PTP4A1: variants seen among roughly 807,000 people sequenced by gnomAD.
PTP4A1 encodes protein tyrosine phosphatase type IVA 1.
Under a neutral mutation model 20.5 loss-of-function variants are expected in PTP4A1, and 9 were observed. The observed-to-expected ratio is 0.44, with a 90% CI of 0.26 to 0.77. The LOEUF is 0.77. Ranked by LOEUF, PTP4A1 falls within the 30% of genes least tolerant of loss-of-function variation. PTP4A1 has a pLI of 0.19. For missense variants in PTP4A1, 137 were observed against 218.8 expected, an observed-to-expected ratio of 0.63 and a Z score of 2.36; for synonymous variants, 78 against 67.4, an observed-to-expected ratio of 1.16 and a Z score of -0.77.
rs1778123154 is a variant in PTP4A1, at chr6:63,580,020, T to TAATA, written c.405-37_405-36insAATA. The TAATA allele has an allele frequency of 2.0e-6, 3 of 1,490,278 alleles. No homozygotes were observed. The East Asian group carries it at 6.8e-5, about 34-fold the overall frequency. 92.3% of individuals were successfully genotyped at this position (1,490,278 alleles called of 1,614,324 possible). A position where few individuals can be genotyped will look rare whatever the true frequency, so the allele number is the denominator to read the frequency against. On this transcript the variant is annotated intron_variant, in intron 5 of 5. Transcript: ENST00000626021. ...ACACTAAATATTACTGTAGGGGGCTTTTGCCTTGTTTCATTTTTTTTTTTT... is the reference window on the plus strand; with the variant it reads ...ACACTAAATATTACTGTAGGGGGCTTAATATTGCCTTGTTTCATTTTTTTTTTTT...
At chr6:63,557,884 C>A (rs1324850095) in intron 3 of PTP4A1, among the ~76,000 whole-genome samples, 1 of 151,806 alleles carries the variant, frequency 6.6e-6, no homozygotes. Flanking sequence ...TAAAATGATA[C>A]TGAACATATG....
intron 4 of PTP4A1, 25 bp downstream of exon 4, chr6:63,579,053 C>A (rs1323328300): frequency 1.3e-6 from 2 of 1,548,476 alleles, no homozygotes; most frequent in Non-Finnish European, 1.7e-6. Context: ...CAATTTGATT[C>A]TAGGTAAAAA....
At position 63,581,172 on chromosome 6, in the gene PTP4A1, A is replaced by G. The variant is rs1436150192; in HGVS notation, c.*998A>G. 1 of 152,274 alleles carries G rather than the reference A, an allele frequency of 6.6e-6. No homozygotes were observed. Among genetic ancestry groups the G allele is most frequent in the Non-Finnish European group, 1.5e-5 (1 of 67,954 alleles). 9.4% of individuals were successfully genotyped at this position (152,274 alleles called of 1,614,324 possible). The stretch of plus-strand genomic sequence containing the variant: ...TTTTTTCCTTCCCAACCTCTCTTGC[A>G]AAAAAAGAAATGGGTTTCTGCTAAT... On this transcript the variant is annotated 3_prime_UTR_variant, in exon 6 of 6. Coordinates refer to ENST00000626021, the MANE Select transcript of PTP4A1 (RefSeq NM_003463.5).
At position 63,564,845 on chromosome 6, in the gene PTP4A1, A is replaced by C. The variant is rs375818939; in HGVS notation, c.-445-11591A>C. 2.0e-5 allele frequency among the ~76,000 whole-genome samples: 3 copies of C among 152,200 alleles called. No individual in the cohort carries two copies. The East Asian group carries it at 5.8e-4, about 29-fold the overall frequency. On this transcript the variant is annotated intron_variant, in intron 3 of 3. Coordinates refer to the PTP4A1 transcript ENST00000639568. ...AAATTTCACCAAATTTGCTAAAATAAGAAGAGTCTTCTCAAACTAGATTCC... is the reference window on the plus strand; with the variant it reads ...AAATTTCACCAAATTTGCTAAAATACGAAGAGTCTTCTCAAACTAGATTCC...
At chr6:63,521,453 C>T (rs1433122133), upstream of PTP4A1, among the ~76,000 whole-genome samples, 1 of 152,130 alleles carries the variant, frequency 6.6e-6, no homozygotes, top group Non-Finnish European at 1.5e-5. Flanking sequence ...CATGTAGGAA[C>T]ACACCAAAGG....
In PTP4A1 at chr6:63,525,338, C is replaced by T. The variant is rs191680630; in HGVS notation, c.-905-2481C>T. 7.9e-5 allele frequency among the ~76,000 whole-genome samples: 12 copies of T among 152,208 alleles called. No homozygotes were observed. The East Asian group carries it at 9.7e-4, about 12-fold the overall frequency. On this transcript the variant is annotated intron_variant, in intron 1 of 3. Coordinates refer to the PTP4A1 transcript ENST00000639568. ...AGTGTCATTTTTGCCACCTGGCTTC[C>T]GGTTAGATTCTGCCAATGGGGGAGC...
upstream of PTP4A1, among the ~76,000 whole-genome samples, chr6:63,569,555 T>A (rs1232270839): frequency 2.0e-5 from 3 of 152,270 alleles, no homozygotes; most frequent in African/African-American, 7.2e-5. Flanking sequence ...TGAGCCTGTA[T>A]GCCACCATGC....
At chr6:63,535,327 A>C (rs548171923) in intron 2 of PTP4A1, among the ~76,000 whole-genome samples, 1 of 152,062 alleles carries the variant, frequency 6.6e-6, no homozygotes, top group Non-Finnish European at 1.5e-5. Flanking sequence ...TAAGCCAGGC[A>C]TAGTGGCATG....
intron 1 of PTP4A1, among the ~76,000 whole-genome samples, chr6:63,526,909 TG>T (rs1293584969): frequency 1.3e-5 from 2 of 150,366 alleles, no homozygotes; most frequent in East Asian, 3.9e-4. Context: ...AAAGACCAAA[TG>T]TTGGATTTAT....
chr6:63,541,911 T>C (rs2149484373), intron 2 of PTP4A1, among the ~76,000 whole-genome samples: 1 of 152,288 alleles, frequency 6.6e-6, no homozygotes, highest in East Asian at 1.9e-4. Context: ...TTTCCTGGTG[T>C]CTCCCATCTT....
intron 2 of PTP4A1, among the ~76,000 whole-genome samples, chr6:63,530,146 T>C (rs575842686): frequency 6.6e-6 from 1 of 152,250 alleles, no homozygotes; most frequent in Admixed American, 6.5e-5. Flanking sequence ...GGAAGTCAAA[T>C]TGGAACCATC....
At chr6:63,523,427 G>T (rs939720603) in intron 1 of PTP4A1, among the ~76,000 whole-genome samples, 7 of 151,978 alleles carry the variant, frequency 4.6e-5, no homozygotes, top group Admixed American at 3.3e-4. Flanking sequence ...CCAGCTACTC[G>T]GGAGGTTTGA....
chr6:63,561,055 G>A (rs1776928052), intron 3 of PTP4A1, among the ~76,000 whole-genome samples: 2 of 152,300 alleles, frequency 1.3e-5, no homozygotes, highest in Admixed American at 6.5e-5. Flanking sequence ...GAACACGTAG[G>A]AAGCCAAATT....
chr6:63,539,176 G>C (rs1458665942), intron 2 of PTP4A1, among the ~76,000 whole-genome samples: 4 of 152,138 alleles, frequency 2.6e-5, no homozygotes, highest in Non-Finnish European at 5.9e-5. Context: ...TTACAGTCAT[G>C]AGCCACCGTG....
At chr6:63,572,438 C>G (rs1489049366), upstream of PTP4A1, 6 of 372,840 alleles carry the variant, frequency 1.6e-5, no homozygotes, top group Admixed American at 4.6e-5. Context: ...GAGGGTTGCA[C>G]GTCGCGCCGG....
intron 1 of PTP4A1, 119 bp downstream of exon 1, chr6:63,572,838 C>T (rs1197226293): frequency 2.5e-5 from 10 of 394,820 alleles, no homozygotes; most frequent in African/African-American, 1.9e-4. Context: ...GTTGCGGTTC[C>T]GGTGGGTCCC....
At chr6:63,557,901 T>C (rs1776758315) in intron 3 of PTP4A1, among the ~76,000 whole-genome samples, 1 of 152,078 alleles carries the variant, frequency 6.6e-6, no homozygotes, top group Non-Finnish European at 1.5e-5. Flanking sequence ...TATGCTTTTT[T>C]TTTTTTGAGA....
chr6:63,575,474 G>A (rs1032950675), intron 1 of PTP4A1, among the ~76,000 whole-genome samples: 2 of 152,054 alleles, frequency 1.3e-5, no homozygotes, highest in African/African-American at 4.8e-5. Context: ...GCATAAAAAT[G>A]GTTTAGTTCT....
At chr6:63,532,631 G>A (rs1173034400) in intron 2 of PTP4A1, among the ~76,000 whole-genome samples, 1 of 152,120 alleles carries the variant, frequency 6.6e-6, no homozygotes, top group African/African-American at 2.4e-5. Flanking sequence ...CTATGCCACT[G>A]TACAGCTTTC....
Sources: allele counts gnomAD v4.1 joint callset (sites outside exome capture counted in the v4.1 genomes callset), GRCh38; gene constraint gnomAD v4.1.1; transcripts MANE v1.5; gene names NCBI Gene and HGNC (gene_info 2026-07-23, HGNC 2026-07-21).